The following DNAJC10 variants were observed in gnomAD, a reference collection of about 807,000 sequenced individuals.
The protein encoded by DNAJC10 is DnaJ heat shock protein family (Hsp40) member C10.
A neutral mutation model predicts 115.0 loss-of-function variants in DNAJC10; 101 were observed. The observed-to-expected ratio is 0.88, with a 90% CI of 0.75 to 1.04. The LOEUF is 1.04. DNAJC10 is among the 50% of genes least tolerant of loss of function. DNAJC10 has a pLI of 0.00. For synonymous variants in DNAJC10, 307 were observed against 301.5 expected (o/e 1.02, Z -0.19); for missense variants, 981 against 928.8 (o/e 1.06, Z -0.73).
In DNAJC10 at chr2:182,730,591, A is replaced by G. The variant is rs539281799; in HGVS notation, c.728-439A>G. ...CCAGTTGGGGAAAAGAGAAAGAGTT[A>G]GAAAATACTTCTTGAAAGAAGTCAT... is the stretch of plus-strand genomic sequence containing the variant. On this transcript the variant is annotated intron_variant, in intron 8 of 23. Coordinates refer to ENST00000264065, the MANE Select transcript of DNAJC10 (RefSeq NM_018981.4). 244 of 450,264 alleles carry G rather than the reference A, an allele frequency of 5.4e-4. 1 individual carries two copies. The highest frequency in any genetic ancestry group is 7.2e-4 in the Non-Finnish European group (161 of 225,006). The allele number at this position is 450,264 out of a possible 1,614,324, so 27.9% of individuals were successfully genotyped here.
chr2:182,756,284 A>G (rs185058461), intron 17 of DNAJC10, 30 bp from the exon 18 acceptor site: 166 of 1,580,938 alleles, frequency 1.1e-4, no homozygotes, highest in East Asian at 8.5e-4. Context: ...CTTTATATAT[A>G]TGTTATAATG....
chr2:182,734,521 C>G (rs1364408288), intron 10 of DNAJC10, among the ~76,000 whole-genome samples: 1 of 151,636 alleles, frequency 6.6e-6, no homozygotes, highest in Non-Finnish European at 1.5e-5. Flanking sequence ...GTTTCATATG[C>G]ATTTGAAAAT....
At chr2:182,767,106 G>T (rs527919444) in intron 22 of DNAJC10, among the ~76,000 whole-genome samples, 1 of 152,244 alleles carries the variant, frequency 6.6e-6, no homozygotes, top group South Asian at 2.1e-4. Flanking sequence ...AGGGAATGAA[G>T]CGTAGAGTGG....
chr2:182,753,942 A>C (rs1477114189), intron 16 of DNAJC10, among the ~76,000 whole-genome samples: 1 of 152,166 alleles, frequency 6.6e-6, no homozygotes, highest in African/African-American at 2.4e-5. Flanking sequence ...GTTCAGTGTA[A>C]GGATTTAAAA....
chr2:182,755,881 G>T (rs1309721288), intron 17 of DNAJC10, among the ~76,000 whole-genome samples: 1 of 152,120 alleles, frequency 6.6e-6, no homozygotes, highest in African/African-American at 2.4e-5. Context: ...CTCTTTGCCT[G>T]TTATGATTTT....
At chr2:182,721,595 G>C (rs1371389025) in intron 4 of DNAJC10, among the ~76,000 whole-genome samples, 1 of 152,098 alleles carries the variant, frequency 6.6e-6, no homozygotes, top group Non-Finnish European at 1.5e-5. Flanking sequence ...CTGTAGTCTA[G>C]TTAACAGTGT....
At chr2:182,741,187 T>C in intron 12 of DNAJC10, 56 bp from the exon 13 acceptor site, 2 of 1,197,604 alleles carry the variant, frequency 1.7e-6, no homozygotes, top group African/African-American at 3.1e-5. Context: ...GAAATGAAGA[T>C]TAGAACCCTT....
In DNAJC10 at chr2:182,793,566, G is replaced by A. The variant is rs1695089997; in HGVS notation, c.*16434G>A. 1.3e-5 allele frequency: 2 copies of A among 152,110 alleles called. No individual in the cohort carries two copies. Among genetic ancestry groups the A allele is most frequent in the South Asian group, 4.2e-4 (2 of 4,818 alleles). The allele number at this position is 152,110 out of a possible 1,614,324, so 9.4% of individuals were successfully genotyped here. A position where few individuals can be genotyped will look rare whatever the true frequency, so the allele number is the denominator to read the frequency against. Reference sequence around the variant, plus strand: ...AATTAAGTACAGAAATAGCTTGATTGGTTACAGATAGGCATTTGCCTTATT... The same window carrying A: ...AATTAAGTACAGAAATAGCTTGATTAGTTACAGATAGGCATTTGCCTTATT... On this transcript the variant is annotated 3_prime_UTR_variant, in exon 24 of 24. Coordinates refer to ENST00000264065, the MANE Select transcript of DNAJC10 (RefSeq NM_018981.4).
chr2:182,765,311 G>A (rs1223333353), intron 22 of DNAJC10, among the ~76,000 whole-genome samples: 2 of 152,130 alleles, frequency 1.3e-5, no homozygotes, highest in Non-Finnish European at 2.9e-5. Flanking sequence ...TAAGGGGTAA[G>A]ACAGGGGCAT....
At chr2:182,732,675 G>A in intron 10 of DNAJC10, 133 bp downstream of exon 10, 1 of 830,230 alleles carries the variant, frequency 1.2e-6, no homozygotes, top group South Asian at 1.6e-5. Flanking sequence ...TCTGATGACT[G>A]TATTCATAGC....
At chr2:182,740,425 T>A in intron 12 of DNAJC10, 37 bp downstream of exon 12, 1 of 1,531,352 alleles carries the variant, frequency 6.5e-7, no homozygotes, top group East Asian at 2.4e-5. Context: ...TAGCAATGAA[T>A]GTTCGTAACA....
chr2:182,751,569 T>G, intron 14 of DNAJC10, 89 bp from the exon 15 acceptor site: 1 of 1,393,644 alleles, frequency 7.2e-7, no homozygotes, highest in Non-Finnish European at 9.9e-7. Context: ...TTTATCTTCT[T>G]TAGTATTCTG....
At chr2:182,730,972 T>TC in intron 8 of DNAJC10, 58 bp from the exon 9 acceptor site, 1 of 1,163,122 alleles carries the variant, frequency 8.6e-7, no homozygotes, top group Non-Finnish European at 1.3e-6. Flanking sequence ...GAAGACTGTT[T>TC]CCATTAGTAA....
At position 182,788,822 on chromosome 2, in the gene DNAJC10, C is replaced by G; in HGVS notation, c.*11690C>G. On this transcript the variant is annotated 3_prime_UTR_variant, in exon 24 of 24. Coordinates refer to ENST00000264065, the MANE Select transcript of DNAJC10 (RefSeq NM_018981.4). ...ATGACTTTATGATCACTTAGTATGT[C>G]TACGGATTTTTTGGGGAAGAGAGAT... The G allele has an allele frequency of 2.2e-6, 1 of 456,196 alleles. No homozygotes were observed. 28.3% of individuals were successfully genotyped at this position (456,196 alleles called of 1,614,324 possible).
At chr2:182,762,946 T>G in intron 22 of DNAJC10, 145 bp downstream of exon 22, 7 of 942,614 alleles carry the variant, frequency 7.4e-6, no homozygotes, top group South Asian at 2.4e-5. Flanking sequence ...TTTTTAAAAT[T>G]TACATGTATA....
intron 14 of DNAJC10, among the ~76,000 whole-genome samples, chr2:182,747,233 T>G (rs1027712005): frequency 1.3e-5 from 2 of 151,112 alleles, no homozygotes; most frequent in African/African-American, 2.4e-5. Context: ...TGGTTCCATA[T>G]GAACTTTAAA....
chr2:182,755,436 C>CTT (rs76238413), intron 17 of DNAJC10, among the ~76,000 whole-genome samples: 110 of 134,810 alleles, frequency 8.2e-4, no homozygotes, highest in African/African-American at 2.7e-3. Flanking sequence ...TCTACAGCAT[C>CTT]TTTTTTTTTT....
In DNAJC10 at chr2:182,790,009, C is replaced by A. The variant is rs1257973429; in HGVS notation, c.*12877C>A. On this transcript the variant is annotated 3_prime_UTR_variant, in exon 24 of 24. Coordinates refer to ENST00000264065, the MANE Select transcript of DNAJC10 (RefSeq NM_018981.4). ...TTGTATTACTTTCCCATTTGGATGC[C>A]CTTTTCATCCTTCACCTCATCCTGT... 6.6e-6 allele frequency: 1 copy of A among 152,084 alleles called. No individual in the cohort carries two copies. 9.4% of individuals were successfully genotyped at this position (152,084 alleles called of 1,614,324 possible). A position where few individuals can be genotyped will look rare whatever the true frequency, so the allele number is the denominator to read the frequency against.
chr2:182,743,800 C>T (rs551985644), intron 14 of DNAJC10, 88 bp downstream of exon 14: 86 of 863,386 alleles, frequency 1.0e-4, no homozygotes, highest in African/African-American at 2.1e-4. Flanking sequence ...TTATTTTTTA[C>T]GGACATGCTT....
Sources: allele counts gnomAD v4.1 joint callset (sites outside exome capture counted in the v4.1 genomes callset), GRCh38; gene constraint gnomAD v4.1.1; transcripts MANE v1.5; gene names NCBI Gene and HGNC (gene_info 2026-07-23, HGNC 2026-07-21).